The following TRPM1 variants were observed in gnomAD, a reference collection of about 807,000 sequenced individuals.
TRPM1 encodes TRPM1-203 APA Isoform, Intron 10.
TRPM1 carries 113 observed loss-of-function variants against 149.4 expected under a neutral mutation model. The ratio of observed to expected loss-of-function variants is 0.76; its 90% CI spans 0.65 to 0.88. The LOEUF (loss-of-function observed/expected upper bound fraction) is 0.88, where lower values mean the gene tolerates loss of function less well. Among genes scored for constraint, TRPM1 ranks in the 40% least tolerant of loss-of-function variants. The pLI, the probability that TRPM1 is intolerant of heterozygous loss-of-function variation, is 0.00. For missense variants in TRPM1, 1,976 were observed against 2,038.7 expected, an observed-to-expected ratio of 0.97 and a Z score of 0.59; for synonymous variants, 741 against 759.5, an observed-to-expected ratio of 0.98 and a Z score of 0.40.
At chr15:31,087,790 G>A (rs1476255644) in intron 1 of TRPM1, among the ~76,000 whole-genome samples, 1 of 152,164 alleles carries the variant, frequency 6.6e-6, no homozygotes, top group African/African-American at 2.4e-5. Flanking sequence ...TGTGTGATGT[G>A]CGGTACCAAG....
chr15:31,100,751 C>T (rs1305789001), intron 1 of TRPM1, among the ~76,000 whole-genome samples: 1 of 152,168 alleles, frequency 6.6e-6, no homozygotes, highest in Non-Finnish European at 1.5e-5. Context: ...GGTTATTATG[C>T]CTTTTTCTCT....
intron 4 of TRPM1, 60 bp from the exon 5 acceptor site, chr15:31,068,152 G>C (rs1344248224): frequency 8.3e-6 from 12 of 1,453,418 alleles, no homozygotes; most frequent in Non-Finnish European, 1.2e-5. Flanking sequence ...GTGTCAAAGG[G>C]GAGTGAGGCT....
chr15:31,070,611 G>T (rs1453909248), intron 3 of TRPM1: 1 of 411,944 alleles, frequency 2.4e-6, no homozygotes, highest in Non-Finnish European at 4.8e-6. Flanking sequence ...GGAGTGTAGT[G>T]GCGCTATCAT....
At chr15:31,106,835 T>G (rs977085485) in intron 1 of TRPM1, among the ~76,000 whole-genome samples, 2 of 152,172 alleles carry the variant, frequency 1.3e-5, no homozygotes, top group Non-Finnish European at 2.9e-5. Flanking sequence ...AATATGAAAT[T>G]TGCTTATATT....
chr15:31,073,979 A>G (rs2034625707), intron 3 of TRPM1, among the ~76,000 whole-genome samples: 1 of 152,054 alleles, frequency 6.6e-6, no homozygotes, highest in African/African-American at 2.4e-5. Context: ...TGTTTCTACT[A>G]TATTGATATG....
intron 13 of TRPM1, 53 bp from the exon 14 acceptor site, chr15:31,047,992 G>GCC: frequency 2.7e-6 from 4 of 1,508,670 alleles, no homozygotes; most frequent in Non-Finnish European, 3.7e-6. Context: ...GCCAGGCGCG[G>GCC]TGGCTCACGC....
chr15:31,157,564 G>A (rs1046808753), intron 1 of TRPM1, among the ~76,000 whole-genome samples: 9 of 152,140 alleles, frequency 5.9e-5, no homozygotes, highest in Non-Finnish European at 1.3e-4. Flanking sequence ...GGATAAAAGT[G>A]CAAGGCAGAA....
intron 1 of TRPM1, among the ~76,000 whole-genome samples, chr15:31,091,617 GAGA>G (rs1445124289): frequency 6.6e-6 from 1 of 152,160 alleles, no homozygotes; most frequent in Non-Finnish European, 1.5e-5. Context: ...TGGTCCTACA[GAGA>G]AGAATAAGGA....
At position 31,086,878 on chromosome 15, in the gene TRPM1, C is replaced by CA. The variant is rs1189618551; in HGVS notation, c.-83-5441dup. Among the ~76,000 whole-genome samples the CA allele has an allele frequency of 6.6e-5, 10 of 152,194 alleles. 2 individuals carry two copies. Among genetic ancestry groups the CA allele is most frequent in the African/African-American group, 2.4e-4 (10 of 41,522 alleles). ...TTAATATTTACAATACCTTACAACC[C>CA]AATAACAGCAAACAAATGAACAAAC... On this transcript the variant is annotated intron_variant, in intron 1 of 27. Coordinates refer to ENST00000256552, the MANE Select transcript of TRPM1 (RefSeq NM_001252024.2).
Position 31,047,870 on chromosome 15 carries a change from T to C in TRPM1, c.1623+19A>G, listed in dbSNP as rs1225316600. 1.9e-6 allele frequency: 3 copies of C among 1,604,304 alleles called. No individual in the cohort carries two copies. The Admixed American group carries it at 5.0e-5, about 27-fold the overall frequency. ...GTGAAAGATGCCAACAGGTAAGAAT[T>C]GTAAAACAGTAGACTGACCTTTTTC... On this transcript the variant is annotated intron_variant, in intron 14 of 27. Transcript: ENST00000256552.
chr15:31,153,778 G>T (rs932098850), intron 1 of TRPM1, among the ~76,000 whole-genome samples: 2 of 152,228 alleles, frequency 1.3e-5, no homozygotes, highest in Non-Finnish European at 2.9e-5. Flanking sequence ...GTTGTCAGGA[G>T]CTCCTGAGCC....
chr15:31,156,432 C>G (rs1489243081), intron 1 of TRPM1, among the ~76,000 whole-genome samples: 1 of 152,122 alleles, frequency 6.6e-6, no homozygotes, highest in Admixed American at 6.5e-5. Context: ...TCTATTGTCT[C>G]TAAGGGTGGC....
intron 1 of TRPM1, among the ~76,000 whole-genome samples, chr15:31,113,376 A>G (rs538465950): frequency 1.3e-5 from 2 of 151,544 alleles, no homozygotes; most frequent in Non-Finnish European, 2.9e-5. Context: ...GTCACAACCA[A>G]CGGGGTTCTC....
At chr15:31,118,456 T>C (rs2035832213) in intron 1 of TRPM1, among the ~76,000 whole-genome samples, 1 of 151,710 alleles carries the variant, frequency 6.6e-6, no homozygotes, top group African/African-American at 2.4e-5. Context: ...TACCAAAATA[T>C]GTGGACCTAT....
At chr15:31,016,652 G>T (rs2032363464) in intron 27 of TRPM1, among the ~76,000 whole-genome samples, 1 of 152,096 alleles carries the variant, frequency 6.6e-6, no homozygotes, top group African/African-American at 2.4e-5. Flanking sequence ...CCATCCTTTT[G>T]TATCAAAGGA....
chr15:31,031,137 A>G lies in TRPM1; in HGVS notation c.2973T>C (p.Phe991=). The change falls in exon 23 of 28, where the codon TTT becomes TTC. Residue 991 remains phenylalanine (F), a synonymous_variant. Coordinates refer to ENST00000256552, the MANE Select transcript of TRPM1 (RefSeq NM_001252024.2). ...IGKMMIDMLY[F]VVIMLVVLMS... ...TGAGCACGACCAGCATGATGACCAC[A>G]AAGTACAGCATGTCGATCATCTGAG... 6.2e-7 allele frequency: 1 copy of G among 1,614,216 alleles called. No homozygotes were observed. The highest frequency in any genetic ancestry group is 8.5e-7 in the Non-Finnish European group (1 of 1,180,024).
chr15:31,046,344 T>C, intron 15 of TRPM1, 111 bp from the exon 16 acceptor site: 1 of 976,160 alleles, frequency 1.0e-6, no homozygotes. Flanking sequence ...AAAAGCACTT[T>C]GTATCATTAA....
chr15:31,055,868 C>G (rs1482256499), intron 11 of TRPM1, among the ~76,000 whole-genome samples: 1 of 152,082 alleles, frequency 6.6e-6, no homozygotes. Flanking sequence ...AGAAAATCAA[C>G]AGCATAACAG....
intron 1 of TRPM1, among the ~76,000 whole-genome samples, chr15:31,129,065 C>T (rs1010802391): frequency 2.6e-5 from 4 of 152,260 alleles, no homozygotes; most frequent in African/African-American, 7.2e-5. Context: ...TGGAGGCTCA[C>T]GAGTCAAAGG....
Sources: gnomAD v4.1 joint callset for allele counts (sites outside exome capture counted in the v4.1 genomes callset) on GRCh38, gnomAD v4.1.1 for gene constraint, MANE v1.5 for transcripts, NCBI Gene and HGNC (gene_info 2026-07-23, HGNC 2026-07-21) for gene names.